The following WNK1 variants were observed in gnomAD, a reference collection of about 807,000 sequenced individuals.
WNK1 encodes WNK lysine deficient protein kinase 1, also known as serine/threonine-protein kinase WNK1.
A neutral mutation model predicts 222.8 loss-of-function variants in WNK1; 38 were observed. The ratio of observed to expected loss-of-function variants is 0.17; its 90% CI spans 0.13 to 0.22. The LOEUF (loss-of-function observed/expected upper bound fraction) is 0.22. WNK1 is among the 10% of genes least tolerant of loss of function. The pLI, the probability that WNK1 is intolerant of heterozygous loss-of-function variation, is 1.00. For missense variants in WNK1, 2,348 were observed against 2,918.4 expected (o/e 0.80, Z 4.50); for synonymous variants, 1,090 against 1,092.9 (o/e 1.00, Z 0.05).
At chr12:777,143 G>C (rs915674381) in intron 1 of WNK1, among the ~76,000 whole-genome samples, 3 of 150,738 alleles carry the variant, frequency 2.0e-5, no homozygotes, top group African/African-American at 7.3e-5. Context: ...TTTTTCATTT[G>C]GAGGGATTTT....
chr12:815,260 A>AT (rs1947252774), intron 2 of WNK1, among the ~76,000 whole-genome samples: 1 of 152,090 alleles, frequency 6.6e-6, no homozygotes, highest in Admixed American at 6.5e-5. Context: ...CCTTGTATAA[A>AT]TTTTTTATTT....
intron 6 of WNK1, among the ~76,000 whole-genome samples, 160 bp downstream of exon 6, chr12:859,624 G>GTA (rs1951040830): frequency 1.9e-5 from 1 of 53,266 alleles, no homozygotes; most frequent in Non-Finnish European, 4.4e-5. Flanking sequence ...GGATTTTCGT[G>GTA]TGTGTGTGTT....
rs67823034 is a variant in WNK1 at position 907,024 on chromosome 12, T to TA, written c.6644-809dup. On this transcript the variant is annotated intron_variant, in intron 26 of 27. Coordinates refer to ENST00000315939, the MANE Select transcript of WNK1 (RefSeq NM_018979.4). ...ACAGAAAAAGAAGAGACCCTTCCTT[T>TA]AAAAAAAAAAAAAAGCCGGGCGTGG... Among the ~76,000 whole-genome samples the TA allele has an allele frequency of 1.9e-4, 9 of 47,430 alleles. 1 individual carries two copies. The highest frequency in any genetic ancestry group is 0.022 in the Middle Eastern group (1 of 46). The allele number at this position is 47,430 out of a possible 152,430, so 31.1% of individuals were successfully genotyped here.
intron 1 of WNK1, among the ~76,000 whole-genome samples, chr12:804,845 C>T: frequency 6.6e-6 from 1 of 150,924 alleles, no homozygotes; most frequent in East Asian, 1.9e-4. Context: ...TTTTACCTAG[C>T]TTAATGTTCT....
chr12:817,588 T>C (rs1299643824), intron 2 of WNK1, among the ~76,000 whole-genome samples: 2 of 152,104 alleles, frequency 1.3e-5, no homozygotes, highest in Admixed American at 1.3e-4. Context: ...TATATTTACA[T>C]TGAAACAGAT....
chr12:792,526 G>A (rs1472943150), intron 1 of WNK1, among the ~76,000 whole-genome samples: 1 of 151,876 alleles, frequency 6.6e-6, no homozygotes, highest in Non-Finnish European at 1.5e-5. Flanking sequence ...ATGTTGGCCA[G>A]CCTGGTCTAG....
At chr12:786,585 A>C (rs370368618) in intron 1 of WNK1, among the ~76,000 whole-genome samples, 1 of 151,160 alleles carries the variant, frequency 6.6e-6, no homozygotes, top group African/African-American at 2.4e-5. Context: ...CTCCTGCCTC[A>C]GTTTCCTGAG....
At position 910,811 on chromosome 12, in the gene WNK1, T is replaced by C. The variant is rs1016732706; in HGVS notation, c.*2019T>C. 2 of 152,388 alleles carry C rather than the reference T, an allele frequency of 1.3e-5. No individual in the cohort carries two copies. The highest frequency in any genetic ancestry group is 4.8e-5 in the African/African-American group (2 of 41,442). The allele number at this position is 152,388 out of a possible 1,614,324, so 9.4% of individuals were successfully genotyped here. On this transcript the variant is annotated 3_prime_UTR_variant, in exon 28 of 28. Coordinates refer to ENST00000315939, the MANE Select transcript of WNK1 (RefSeq NM_018979.4). ...GTAAGTTGGTCTACGGCCCTAAATA[T>C]GCAAATGAGAGCTGAAGGTTTTTAA...
chr12:798,502 A>G (rs1001268482), intron 1 of WNK1, among the ~76,000 whole-genome samples: 1 of 151,718 alleles, frequency 6.6e-6, no homozygotes, highest in Non-Finnish European at 1.5e-5. Context: ...TTACTATTGC[A>G]TTTTCAAAGT....
At chr12:907,763 A>G in intron 26 of WNK1, 84 bp from the exon 27 acceptor site, 5 of 1,495,050 alleles carry the variant, frequency 3.3e-6, no homozygotes, top group Non-Finnish European at 4.7e-6. Context: ...GTGGCTTGCC[A>G]TTCATCATCC....
In WNK1 at chr12:871,325, C is replaced by G. The variant is rs1214395075; in HGVS notation, c.2200C>G (p.Gln734Glu). Residue 734 changes from glutamine to glutamate, a missense_variant, in exon 9 of 28, where the codon CAA becomes GAA. Physicochemically the swap from Gln to Glu is conservative, Grantham distance 29. Transcript: ENST00000315939. Reference sequence around the variant, plus strand: ...TAGCTTAACAGGGGTTTCATCTTCCCAACCCATACAACATCCTCAGCAGGT... The same window carrying G: ...TAGCTTAACAGGGGTTTCATCTTCCGAACCCATACAACATCCTCAGCAGGT... Reference protein sequence around the residue: ...SSSLTGVSSSQPIQHPQQQQG... With the variant: ...SSSLTGVSSSEPIQHPQQQQG... 1 of 1,614,116 alleles carries G rather than the reference C, an allele frequency of 6.2e-7. No individual in the cohort carries two copies. The highest frequency in any genetic ancestry group is 8.5e-7 in the Non-Finnish European group (1 of 1,180,004).
At chr12:790,975 T>G (rs1202302815) in intron 1 of WNK1, among the ~76,000 whole-genome samples, 1 of 152,158 alleles carries the variant, frequency 6.6e-6, no homozygotes, top group Non-Finnish European at 1.5e-5. Context: ...GGAAATGAAT[T>G]ATAGCTGTAG....
chr12:817,104 T>C (rs777076227), intron 2 of WNK1, among the ~76,000 whole-genome samples: 1 of 152,130 alleles, frequency 6.6e-6, no homozygotes, highest in Non-Finnish European at 1.5e-5. Flanking sequence ...GAATATTAAC[T>C]ACGAAGAAAT....
chr12:757,467 A>G lies in WNK1; in HGVS notation c.759+3143A>G, dbSNP rs528758928. On this transcript the variant is annotated intron_variant, in intron 1 of 27. Transcript: ENST00000315939. Reference sequence around the variant, plus strand: ...CAGCCTCCCAAGTAGCTGGGAGTACAGGCGCACCCCACCACACCCAGCTAA... The same window carrying G: ...CAGCCTCCCAAGTAGCTGGGAGTACGGGCGCACCCCACCACACCCAGCTAA... 5.3e-5 allele frequency among the ~76,000 whole-genome samples: 8 copies of G among 152,008 alleles called. No individual in the cohort carries two copies. The East Asian group carries it at 1.5e-3, about 29-fold the overall frequency.
chr12:879,684 C>A lies in WNK1; in HGVS notation c.2485C>A (p.Gln829Lys). 6.2e-7 allele frequency: 1 copy of A among 1,613,918 alleles called. No individual in the cohort carries two copies. Among genetic ancestry groups the A allele is most frequent in the Non-Finnish European group, 8.5e-7 (1 of 1,179,972 alleles). ...HSGAHFLPVG[Q>K]PLPTPLLPQY... Reference sequence around the variant, plus strand: ...TGGTGCTCATTTCCTTCCAGTGGGACAGCCGCTCCCTACTCCCTTGCTCCC... The same window carrying A: ...TGGTGCTCATTTCCTTCCAGTGGGAAAGCCGCTCCCTACTCCCTTGCTCCC... Residue 829 changes from glutamine to lysine, a missense_variant, in exon 11 of 28, where the codon CAG (glutamine) becomes AAG (lysine). Transcript: ENST00000315939.
chr12:805,804 A>C (rs746265270), intron 1 of WNK1, among the ~76,000 whole-genome samples: 10 of 152,212 alleles, frequency 6.6e-5, no homozygotes, highest in Non-Finnish European at 1.3e-4. Flanking sequence ...ATATGATTCA[A>C]AAAACAAACT....
At chr12:797,854 C>CA (rs1159272644) in intron 1 of WNK1, among the ~76,000 whole-genome samples, 1 of 150,614 alleles carries the variant, frequency 6.6e-6, no homozygotes. Flanking sequence ...GAGGCTGAGA[C>CA]AGGATAATCG....
chr12:834,110 C>T (rs1418244180), intron 4 of WNK1, among the ~76,000 whole-genome samples: 1 of 152,040 alleles, frequency 6.6e-6, no homozygotes, highest in African/African-American at 2.4e-5. Context: ...TGGTGAGAGG[C>T]CATTCTAAGA....
chr12:843,295 T>C (rs1949769781), intron 4 of WNK1, among the ~76,000 whole-genome samples: 1 of 152,198 alleles, frequency 6.6e-6, no homozygotes, highest in African/African-American at 2.4e-5. Flanking sequence ...TTTAAAGTTA[T>C]TGAGGACCCC....
Sources: gnomAD v4.1 joint callset for allele counts (sites outside exome capture counted in the v4.1 genomes callset) on GRCh38, gnomAD v4.1.1 for gene constraint, MANE v1.5 for transcripts, NCBI Gene and HGNC (gene_info 2026-07-23, HGNC 2026-07-21) for gene names.